Variants in LCE2B observed in about 807,000 individuals in gnomAD.
LCE2B encodes late cornified envelope 2B.
For missense variants in LCE2B, 175 were observed against 141.6 expected, an observed-to-expected ratio of 1.24 and a Z score of -1.20; for synonymous variants, 69 against 52.0, an observed-to-expected ratio of 1.33 and a Z score of -1.40.
Position 152,687,271 on chromosome 1 carries a change from T to G in LCE2B, c.*95T>G, listed in dbSNP as rs2101513446. The G allele has an allele frequency of 6.7e-7, 1 of 1,500,908 alleles. No homozygotes were observed. Among genetic ancestry groups the G allele is most frequent in the South Asian group, 1.4e-5 (1 of 73,222 alleles). The allele number at this position is 1,500,908 out of a possible 1,614,324, so 93.0% of individuals were successfully genotyped here. On this transcript the variant is annotated 3_prime_UTR_variant, in exon 2 of 2. Transcript: ENST00000368780. ...CATTTCCTCTCATTCCATTCATGGG[T>G]GGACAGCGACCACAAAGACTCATGG...
rs1348837980 is a variant in LCE2B, at chr1:152,687,252, C to T, written c.*76C>T. The T allele has an allele frequency of 1.3e-6, 2 of 1,526,088 alleles. No individual in the cohort carries two copies. The highest frequency in any genetic ancestry group is 1.8e-6 in the Non-Finnish European group (2 of 1,138,898). 94.5% of individuals were successfully genotyped at this position (1,526,088 alleles called of 1,614,324 possible). The stretch of plus-strand genomic sequence containing the variant: ...CCTGATGCTTAACCCTTTCCATTTC[C>T]TCTCATTCCATTCATGGGTGGACAG... On this transcript the variant is annotated 3_prime_UTR_variant, in exon 2 of 2. Coordinates refer to ENST00000368780, the MANE Select transcript of LCE2B (RefSeq NM_014357.5).
chr1:152,686,925 T>C lies in LCE2B; in HGVS notation c.82T>C (p.Cys28Arg). 6.2e-7 allele frequency: 1 copy of C among 1,614,132 alleles called. No individual in the cohort carries two copies. The highest frequency in any genetic ancestry group is 8.5e-7 in the Non-Finnish European group (1 of 1,180,012). Residue 28 changes from cysteine to arginine, a missense_variant, in exon 2 of 2, where the codon TGT (cysteine) becomes CGT (arginine). Cys to Arg is a radical substitution (Grantham distance 180, BLOSUM62 -3). Coordinates refer to ENST00000368780, the MANE Select transcript of LCE2B (RefSeq NM_014357.5). ...PKCTPKCPPK[C>R]PPKCLPQCPA... ...GTGTACCCCAAAATGTCCACCTAAG[T>C]GTCCCCCTAAATGCCTGCCCCAGTG...
chr1:152,686,678 G>T, intron 1 of LCE2B, 146 bp from the exon 2 acceptor site: 1 of 1,155,214 alleles, frequency 8.7e-7, no homozygotes, highest in South Asian at 1.6e-5. Flanking sequence ...TTATTTAGAG[G>T]AAAGATTCAA....
At chr1:152,686,739 T>G in intron 1 of LCE2B, 85 bp from the exon 2 acceptor site, 2 of 1,460,008 alleles carry the variant, frequency 1.4e-6, no homozygotes, top group Non-Finnish European at 1.9e-6. Flanking sequence ...ATATCATTCT[T>G]CTTCTACACA....
At chr1:152,686,786 G>A in intron 1 of LCE2B, 38 bp from the exon 2 acceptor site, 1 of 1,593,918 alleles carries the variant, frequency 6.3e-7, no homozygotes, top group Non-Finnish European at 8.5e-7. Flanking sequence ...ATGATCCTTG[G>A]TTTGAAATAT....
At chr1:152,686,182 G>C (rs1372713989) in intron 1 of LCE2B, 26 bp downstream of exon 1, 1 of 152,468 alleles carries the variant, frequency 6.6e-6, no homozygotes, top group Non-Finnish European at 1.5e-5. Context: ...GGATACCAGA[G>C]GGGTATGAGC....
At position 152,686,979 on chromosome 1, in the gene LCE2B, TC is replaced by T. The variant is rs1321428103; in HGVS notation, c.137del (p.Ser46PhefsTer28). ...AGCTCCATGTTCCCCTGCAGTCTCT[TC>T]TTGCTGTGGTCCCATCTCTGGGGGC... ...CPAPCSPAVS[S>X]CCGPISGGCC... On this transcript the variant is annotated frameshift_variant, in exon 2 of 2. Coordinates refer to ENST00000368780, the MANE Select transcript of LCE2B (RefSeq NM_014357.5). LOFTEE classifies it low-confidence loss of function (END_TRUNC). The T allele has an allele frequency of 6.2e-7, 1 of 1,612,000 alleles. No homozygotes were observed. The highest frequency in any genetic ancestry group is 8.5e-7 in the Non-Finnish European group (1 of 1,179,914).
rs747416050 is a variant in LCE2B, at chr1:152,687,097, G to A, written c.254G>A (p.Arg85Gln). 71 of 1,613,542 alleles carry A rather than the reference G, an allele frequency of 4.4e-5. No individual in the cohort carries two copies. Among genetic ancestry groups the A allele is most frequent in the Non-Finnish European group, 5.0e-5 (59 of 1,179,950 alleles). ...HHRPRLFHRR[R>Q]HQSPDCCESE... ...AGGCCCCGTCTCTTCCACCGGCGCCGGCACCAGAGCCCCGACTGCTGTGAG... is the reference window on the plus strand; with the variant it reads ...AGGCCCCGTCTCTTCCACCGGCGCCAGCACCAGAGCCCCGACTGCTGTGAG... Residue 85 changes from arginine (R) to glutamine (Q), a missense_variant, in exon 2 of 2, where the codon CGG (arginine) becomes CAG (glutamine). By Grantham distance (43) the Arg-to-Gln change is conservative (BLOSUM62 1). Coordinates refer to ENST00000368780, the MANE Select transcript of LCE2B (RefSeq NM_014357.5).
At position 152,687,339 on chromosome 1, in the gene LCE2B, T is replaced by C; in HGVS notation, c.*163T>C. On this transcript the variant is annotated 3_prime_UTR_variant, in exon 2 of 2. Transcript: ENST00000368780. ...TTTGCACTTGATGGAGCACCTCAAT[T>C]GCAGGTTTTGTTTTCCTCCTTTACC... 1 of 974,462 alleles carries C rather than the reference T, an allele frequency of 1.0e-6. No homozygotes were observed. The highest frequency in any genetic ancestry group is 3.0e-5 in the Admixed American group (1 of 33,752). The allele number at this position is 974,462 out of a possible 1,614,324, so 60.4% of individuals were successfully genotyped here. A position where few individuals can be genotyped will look rare whatever the true frequency, so the allele number is the denominator to read the frequency against.
intron 1 of LCE2B, 131 bp from the exon 2 acceptor site, chr1:152,686,693 T>A: frequency 3.2e-6 from 4 of 1,260,250 alleles, no homozygotes; most frequent in Non-Finnish European, 4.4e-6. Flanking sequence ...ATTCAAGTTG[T>A]TTCTTTCAGG....
In LCE2B at chr1:152,687,281, C is replaced by T; in HGVS notation, c.*105C>T. ...CATTCCATTCATGGGTGGACAGCGA[C>T]CACAAAGACTCATGGGGCTTCCCTG... On this transcript the variant is annotated 3_prime_UTR_variant, in exon 2 of 2. Coordinates refer to ENST00000368780, the MANE Select transcript of LCE2B (RefSeq NM_014357.5). 6.8e-7 allele frequency: 1 copy of T among 1,476,728 alleles called. No homozygotes were observed. Among genetic ancestry groups the T allele is most frequent in the African/African-American group, 1.4e-5 (1 of 70,780 alleles). 91.5% of individuals were successfully genotyped at this position (1,476,728 alleles called of 1,614,324 possible). A position where few individuals can be genotyped will look rare whatever the true frequency, so the allele number is the denominator to read the frequency against.
chr1:152,686,586 C>T (rs1649140240), intron 1 of LCE2B, among the ~76,000 whole-genome samples: 1 of 151,936 alleles, frequency 6.6e-6, no homozygotes, highest in Admixed American at 6.5e-5. Context: ...TCTATTCAGG[C>T]TTGTGAGGAT....
rs772442919 is a variant in LCE2B, at chr1:152,686,938, G to A, written c.95G>A (p.Cys32Tyr). 1 of 1,614,014 alleles carries A rather than the reference G, an allele frequency of 6.2e-7. No individual in the cohort carries two copies. Among genetic ancestry groups the A allele is most frequent in the Non-Finnish European group, 8.5e-7 (1 of 1,180,012 alleles). The change falls in exon 2 of 2, where the codon TGC (cysteine) becomes TAC (tyrosine). Residue 32 changes from cysteine (C) to tyrosine (Y), a missense_variant. Transcript: ENST00000368780. ...TGTCCACCTAAGTGTCCCCCTAAAT[G>A]CCTGCCCCAGTGCCCAGCTCCATGT... is the stretch of plus-strand genomic sequence containing the variant. The part of the protein sequence containing the change: ...PKCPPKCPPK[C>Y]LPQCPAPCSP...
chr1:152,686,824 G>A lies in LCE2B; in HGVS notation c.-20G>A. 1 of 1,613,646 alleles carries A rather than the reference G, an allele frequency of 6.2e-7. No individual in the cohort carries two copies. Among genetic ancestry groups the A allele is most frequent in the Non-Finnish European group, 8.5e-7 (1 of 1,179,784 alleles). On this transcript the variant is annotated splice_region_variant and 5_prime_UTR_variant, in exon 2 of 2. Transcript: ENST00000368780. ...AAAGAGTTTCATTATTATCTTTCAG[G>A]TTGACTAAACTCTGCCAGGATGTCT... is the stretch of plus-strand genomic sequence containing the variant.
intron 1 of LCE2B, among the ~76,000 whole-genome samples, chr1:152,686,454 CT>C (rs1418732381): frequency 1.3e-5 from 2 of 150,834 alleles, no homozygotes; most frequent in African/African-American, 4.9e-5. Context: ...AAGCCAGGCT[CT>C]TTTATCTGGA....
chr1:152,687,005 C>A lies in LCE2B; in HGVS notation c.162C>A (p.Gly54=), dbSNP rs1396916993. The A allele has an allele frequency of 6.2e-7, 1 of 1,612,832 alleles. No homozygotes were observed. Among genetic ancestry groups the A allele is most frequent in the Non-Finnish European group, 8.5e-7 (1 of 1,179,338 alleles). ...CTTGCTGTGGTCCCATCTCTGGGGG[C>A]TGCTGTGGTCCCAGCTCTGGGGGCT... ...VSSCCGPISG[G]CCGPSSGGCC... is the part of the protein sequence containing the mutation. The change falls in exon 2 of 2, where the codon GGC becomes GGA. Residue 54 remains glycine (G), a synonymous_variant. Transcript: ENST00000368780.
intron 1 of LCE2B, among the ~76,000 whole-genome samples, chr1:152,686,593 G>A (rs1649140415): frequency 6.6e-6 from 1 of 151,974 alleles, no homozygotes; most frequent in Non-Finnish European, 1.5e-5. Context: ...AGGCTTGTGA[G>A]GATAGAGTAA....
At position 152,686,971 on chromosome 1, in the gene LCE2B, C is replaced by A. The variant is rs771599719; in HGVS notation, c.128C>A (p.Ala43Glu). 4 of 1,612,292 alleles carry A rather than the reference C, an allele frequency of 2.5e-6. No homozygotes were observed. The African/African-American group carries it at 5.4e-5, about 22-fold the overall frequency. The change falls in exon 2 of 2, where the codon GCA becomes GAA. Residue 43 changes from alanine (A) to glutamate (E), a missense_variant. Transcript: ENST00000368780. Reference sequence around the variant, plus strand: ...CAGTGCCCAGCTCCATGTTCCCCTGCAGTCTCTTCTTGCTGTGGTCCCATC... The same window carrying A: ...CAGTGCCCAGCTCCATGTTCCCCTGAAGTCTCTTCTTGCTGTGGTCCCATC... ...LPQCPAPCSP[A>E]VSSCCGPISG... is the part of the protein sequence containing the mutation.
rs1232425653 is a variant in LCE2B at position 152,687,202 on chromosome 1, C to G, written c.*26C>G. On this transcript the variant is annotated 3_prime_UTR_variant, in exon 2 of 2. Transcript: ENST00000368780. ...CCTGGGCTAAGAAGAACTCTTTGGA[C>G]AGAATGTTTAAGAACCTCCTACAGC... 1.3e-5 allele frequency: 20 copies of G among 1,598,784 alleles called. No individual in the cohort carries two copies. The highest frequency in any genetic ancestry group is 1.7e-5 in the Non-Finnish European group (20 of 1,173,116).
Sources: allele counts gnomAD v4.1 joint callset (sites outside exome capture counted in the v4.1 genomes callset), GRCh38; gene constraint gnomAD v4.1.1; transcripts MANE v1.5; gene names NCBI Gene and HGNC (gene_info 2026-07-23, HGNC 2026-07-21).